PHLDB2: variants seen among roughly 807,000 people sequenced by gnomAD.
PHLDB2 encodes pleckstrin homology-like domain family B member 2.
In PHLDB2, 71 loss-of-function variants were observed where a neutral mutation model predicts 123.6. The ratio of observed to expected loss-of-function variants is 0.57; its 90% CI spans 0.47 to 0.70. PHLDB2 has a LOEUF of 0.70. Ranked by LOEUF, PHLDB2 falls within the 30% of genes least tolerant of loss-of-function variation. The pLI, the probability that PHLDB2 is intolerant of heterozygous loss-of-function variation, is 0.00. For synonymous variants in PHLDB2, 547 were observed against 541.6 expected (o/e 1.01, Z -0.14); for missense variants, 1,446 against 1,519.5 (o/e 0.95, Z 0.80).
In PHLDB2 at chr3:111,754,388, A is replaced by C. The variant is rs928982006; in HGVS notation, c.-49+21685A>C. Among the ~76,000 whole-genome samples, 115 of 138,032 alleles carry C rather than the reference A, an allele frequency of 8.3e-4. 1 individual carries two copies. The highest frequency in any genetic ancestry group is 3.2e-3 in the African/African-American group (114 of 35,636). 90.6% of individuals were successfully genotyped at this position (138,032 alleles called of 152,430 possible). A position where few individuals can be genotyped will look rare whatever the true frequency, so the allele number is the denominator to read the frequency against. ...CACATCCCTTGTAAGTTGGATTCCT[A>C]GGTATTTTATTCTCTTTGAAGCAAT... On this transcript the variant is annotated intron_variant, in intron 1 of 17. Transcript: ENST00000393923.
intron 6 of PHLDB2, 32 bp from the exon 7 acceptor site, chr3:111,939,443 T>A (rs712509): frequency 6.3e-7 from 1 of 1,582,062 alleles, no homozygotes; most frequent in East Asian, 2.2e-5. Flanking sequence ...GTTATCTCAG[T>A]GTGTCTTGTT....
chr3:111,775,215 C>T (rs1380332086), intron 1 of PHLDB2, among the ~76,000 whole-genome samples: 1 of 152,032 alleles, frequency 6.6e-6, no homozygotes, highest in Non-Finnish European at 1.5e-5. Flanking sequence ...AACCAAAGAG[C>T]AGAGAGATCA....
intron 2 of PHLDB2, among the ~76,000 whole-genome samples, chr3:111,901,373 AAATT>A (rs1373604106): frequency 6.6e-6 from 1 of 151,860 alleles, no homozygotes; most frequent in African/African-American, 2.4e-5. Flanking sequence ...AAAAAAAAAA[AAATT>A]AACACATAAT....
intron 1 of PHLDB2, among the ~76,000 whole-genome samples, chr3:111,824,981 A>G (rs1477036243): frequency 2.0e-5 from 3 of 152,154 alleles, no homozygotes; most frequent in Admixed American, 6.5e-5. Context: ...TTATCTCTTA[A>G]TGGCCTCATC....
At chr3:111,923,496 G>A (rs1208388701) in intron 5 of PHLDB2, among the ~76,000 whole-genome samples, 1 of 152,114 alleles carries the variant, frequency 6.6e-6, no homozygotes, top group Non-Finnish European at 1.5e-5. Flanking sequence ...CTATCATAGG[G>A]ATTTCTCTAG....
Position 111,888,115 on chromosome 3 carries a change from C to A in PHLDB2, c.1335+2703C>A, listed in dbSNP as rs534726670. On this transcript the variant is annotated intron_variant, in intron 2 of 17. Transcript: ENST00000431670. Reference sequence around the variant, plus strand: ...GAGGGCACTGACATATATTCAGGGTCTTTGTGTAAAGTACCCAATCTTTGA... The same window carrying A: ...GAGGGCACTGACATATATTCAGGGTATTTGTGTAAAGTACCCAATCTTTGA... 1.6e-4 allele frequency among the ~76,000 whole-genome samples: 24 copies of A among 151,980 alleles called. No homozygotes were observed. The South Asian group carries it at 4.8e-3, about 30-fold the overall frequency.
At chr3:111,780,321 G>GGAAGAAGAAGAAGAA (rs776116547) in intron 1 of PHLDB2, among the ~76,000 whole-genome samples, 1 of 3,680 alleles carries the variant, frequency 2.7e-4, no homozygotes, top group African/African-American at 5.2e-4. Flanking sequence ...AAGAGGAAGA[G>GGAAGAAGAAGAAGAA]GAAGAAGAAG....
At chr3:111,958,831 A>C (rs2071212939) in intron 12 of PHLDB2, 6 of 428,498 alleles carry the variant, frequency 1.4e-5, no homozygotes, top group South Asian at 1.0e-4. Context: ...CATTTTTCCC[A>C]ATCTTGTTTC....
exon 2 of PHLDB2, chr3:111,845,884 A>G (rs201186190): frequency 6.2e-6 from 10 of 1,614,214 alleles, no homozygotes; most frequent in African/African-American, 4.0e-5. Flanking sequence ...GGAGGAGGAT[A>G]CCAAGAGAGA....
chr3:111,907,861 A>G (rs959626242), intron 2 of PHLDB2, among the ~76,000 whole-genome samples: 14 of 151,894 alleles, frequency 9.2e-5, no homozygotes, highest in Non-Finnish European at 2.1e-4. Context: ...CAGTGGTGCT[A>G]TATCAGCTCA....
At chr3:111,857,378 G>A (rs1274321472), upstream of PHLDB2, among the ~76,000 whole-genome samples, 1 of 150,290 alleles carries the variant, frequency 6.7e-6, no homozygotes, top group Admixed American at 6.7e-5. Context: ...TTGAGCCCAG[G>A]AGGTTAAGGC....
At chr3:111,912,639 A>G (rs538860288) in intron 2 of PHLDB2, among the ~76,000 whole-genome samples, 1 of 152,370 alleles carries the variant, frequency 6.6e-6, no homozygotes, top group African/African-American at 2.4e-5. Flanking sequence ...TAAAAGATTC[A>G]GTAAGTAGCT....
At chr3:111,917,281 A>G (rs1396575303) in intron 3 of PHLDB2, 2 of 152,260 alleles carry the variant, frequency 1.3e-5, no homozygotes, top group Non-Finnish European at 2.9e-5. Flanking sequence ...TGAATTATGC[A>G]GATGATTCCC....
chr3:111,969,716 T>C lies in PHLDB2; in HGVS notation c.3342T>C (p.Pro1114=). ...CTCGTCCTTTGACACGCTACCTGCC[T>C]GTCCGGAAGGAAGACTTTGATTTGC... The part of the protein sequence containing the change: ...AQARPLTRYL[P]VRKEDFDLRS... The change falls in exon 16 of 18, where the codon CCT becomes CCC. Residue 1114 remains proline (P), a synonymous_variant. Transcript: ENST00000431670. 6.2e-7 allele frequency: 1 copy of C among 1,614,002 alleles called. No homozygotes were observed. Among genetic ancestry groups the C allele is most frequent in the Non-Finnish European group, 8.5e-7 (1 of 1,179,864 alleles).
At chr3:111,854,114 T>C (rs2064379275) in intron 2 of PHLDB2, among the ~76,000 whole-genome samples, 1 of 152,128 alleles carries the variant, frequency 6.6e-6, no homozygotes, top group South Asian at 2.1e-4. Context: ...AGACACTTTC[T>C]TCACAGGGCA....
At position 111,884,904 on chromosome 3, in the gene PHLDB2, A is replaced by G. The variant is rs746612142; in HGVS notation, c.827A>G (p.Asn276Ser). The G allele has an allele frequency of 6.2e-7, 1 of 1,613,958 alleles. No homozygotes were observed. Among genetic ancestry groups the G allele is most frequent in the Non-Finnish European group, 8.5e-7 (1 of 1,179,982 alleles). ...ACACCTCTCAGCTTGCCTCCAAGAAACTCTCTGGGCAATTCCAAACGAACA... is the reference window on the plus strand; with the variant it reads ...ACACCTCTCAGCTTGCCTCCAAGAAGCTCTCTGGGCAATTCCAAACGAACA... ...QLTPLSLPPR[N>S]SLGNSKRTKL... Residue 276 changes from asparagine to serine, a missense_variant, in exon 2 of 18, where the codon AAC becomes AGC. By Grantham distance (46) the Asn-to-Ser change is conservative. This residue lies in a region of PHLDB2 where 832 missense variants were observed against 831.9 expected (regional missense o/e 1.00). Transcript: ENST00000431670.
At chr3:111,737,263 G>A (rs1211323901) in intron 1 of PHLDB2, among the ~76,000 whole-genome samples, 1 of 152,154 alleles carries the variant, frequency 6.6e-6, no homozygotes, top group African/African-American at 2.4e-5. Context: ...ATTGCCCCTG[G>A]CTGGCTGCCT....
At chr3:111,873,840 CTT>C (rs2065462443) in intron 1 of PHLDB2, among the ~76,000 whole-genome samples, 1 of 152,102 alleles carries the variant, frequency 6.6e-6, no homozygotes. Flanking sequence ...AGTTAAATCA[CTT>C]TTAGGGGAGG....
rs866469796 is a variant in PHLDB2 at position 111,838,280 on chromosome 3, C to T, written c.-48-7541C>T. On this transcript the variant is annotated intron_variant, in intron 1 of 17. Coordinates refer to the PHLDB2 transcript ENST00000393923. Reference sequence around the variant, plus strand: ...TCTCCTGATCGGCTGGGACTATAGGCACCTGCCACCACTCCTACCCAGGAA... The same window carrying T: ...TCTCCTGATCGGCTGGGACTATAGGTACCTGCCACCACTCCTACCCAGGAA... 2.6e-5 allele frequency among the ~76,000 whole-genome samples: 4 copies of T among 152,266 alleles called. No homozygotes were observed. The South Asian group carries it at 6.2e-4, about 24-fold the overall frequency.
Sources: gnomAD v4.1 joint callset for allele counts (sites outside exome capture counted in the v4.1 genomes callset) on GRCh38, gnomAD v4.1.1 for gene constraint, gnomAD v4.1.1 regional missense constraint, MANE v1.5 for transcripts, NCBI Gene and HGNC (gene_info 2026-07-23, HGNC 2026-07-21) for gene names.